SORCS3: variants seen among roughly 807,000 people sequenced by gnomAD.
SORCS3 encodes sortilin related VPS10 domain containing receptor 3, also known as VPS10 domain-containing receptor SorCS3.
In SORCS3, 57 loss-of-function variants were observed where a neutral mutation model predicts 146.3. The ratio of observed to expected loss-of-function variants is 0.39; its 90% CI spans 0.31 to 0.49. SORCS3 has a LOEUF of 0.49. Ranked by LOEUF, SORCS3 falls within the 20% of genes least tolerant of loss-of-function variation. SORCS3 has a pLI of 0.92. For synonymous variants in SORCS3, 653 were observed against 618.5 expected, an observed-to-expected ratio of 1.06 and a Z score of -0.83; for missense variants, 1,341 against 1,575.5, an observed-to-expected ratio of 0.85 and a Z score of 2.52.
intron 5 of SORCS3, among the ~76,000 whole-genome samples, chr10:105,062,389 C>T (rs2055493924): frequency 6.6e-6 from 1 of 152,128 alleles, no homozygotes; most frequent in Non-Finnish European, 1.5e-5. Context: ...AGCAATCTGT[C>T]TCCTAGGGTT....
chr10:105,050,985 C>T (rs1347784777), intron 5 of SORCS3, among the ~76,000 whole-genome samples: 1 of 152,024 alleles, frequency 6.6e-6, no homozygotes, highest in African/African-American at 2.4e-5. Context: ...ACACCTATGC[C>T]CAGACTCTAT....
At chr10:105,015,873 G>A (rs1418558896) in intron 4 of SORCS3, among the ~76,000 whole-genome samples, 1 of 151,236 alleles carries the variant, frequency 6.6e-6, no homozygotes, top group South Asian at 2.1e-4. Flanking sequence ...GGGATTACAG[G>A]CGCACACCAC....
intron 4 of SORCS3, among the ~76,000 whole-genome samples, chr10:105,031,593 G>A (rs2055268165): frequency 1.3e-5 from 2 of 152,114 alleles, no homozygotes; most frequent in South Asian, 4.1e-4. Flanking sequence ...ATTACTCCCT[G>A]GAGAACTTGC....
At chr10:105,102,086 A>G (rs773574541) in intron 6 of SORCS3, among the ~76,000 whole-genome samples, 1 of 152,186 alleles carries the variant, frequency 6.6e-6, no homozygotes, top group African/African-American at 2.4e-5. Flanking sequence ...GAAGGGGCAT[A>G]CAGGCTGTCC....
intron 20 of SORCS3, among the ~76,000 whole-genome samples, chr10:105,227,988 TGTG>T (rs2056743916): frequency 3.4e-5 from 1 of 29,698 alleles, no homozygotes; most frequent in Non-Finnish European, 7.6e-5. Context: ...GGTCATTTTG[TGTG>T]TGTGTGTGTG....
chr10:104,948,853 A>G (rs995976428), intron 3 of SORCS3, among the ~76,000 whole-genome samples: 2 of 152,134 alleles, frequency 1.3e-5, no homozygotes, highest in Non-Finnish European at 2.9e-5. Context: ...ATTATAGGTC[A>G]CTGTTCTCCC....
intron 3 of SORCS3, among the ~76,000 whole-genome samples, chr10:104,936,672 C>G (rs566541475): frequency 1.3e-5 from 2 of 152,314 alleles, no homozygotes; most frequent in East Asian, 1.9e-4. Context: ...ACAGATAAGT[C>G]TCCTTGGCAA....
At chr10:104,967,707 C>T (rs903483714) in intron 3 of SORCS3, among the ~76,000 whole-genome samples, 4 of 152,100 alleles carry the variant, frequency 2.6e-5, no homozygotes, top group Non-Finnish European at 4.4e-5. Context: ...TGGGGTCTGG[C>T]TCTGTTGCCC....
intron 3 of SORCS3, among the ~76,000 whole-genome samples, chr10:104,967,899 A>G (rs923507911): frequency 2.6e-5 from 4 of 151,840 alleles, no homozygotes; most frequent in Non-Finnish European, 4.4e-5. Context: ...AGCTCAAACA[A>G]TCTGCCCACC....
intron 4 of SORCS3, among the ~76,000 whole-genome samples, chr10:105,036,568 A>G (rs2055307892): frequency 6.6e-6 from 1 of 152,102 alleles, no homozygotes; most frequent in African/African-American, 2.4e-5. Context: ...CTGGAGATGG[A>G]AGCTCTTGTC....
At chr10:104,868,549 C>A (rs2018484764) in intron 2 of SORCS3, among the ~76,000 whole-genome samples, 1 of 152,226 alleles carries the variant, frequency 6.6e-6, no homozygotes, top group South Asian at 2.1e-4. Context: ...CCAGGCCAGA[C>A]TTTGTCCAAC....
chr10:105,125,709 A>ACACAC (rs1554879547), intron 7 of SORCS3, among the ~76,000 whole-genome samples: 1 of 151,726 alleles, frequency 6.6e-6, no homozygotes, highest in South Asian at 2.1e-4. Flanking sequence ...ACACACACAC[A>ACACAC]AAACAGGCAG....
intron 1 of SORCS3, among the ~76,000 whole-genome samples, chr10:104,686,729 T>C (rs2016048152): frequency 6.6e-6 from 1 of 152,122 alleles, no homozygotes; most frequent in Admixed American, 6.5e-5. Context: ...CTGCACATGA[T>C]GGAAAAGATC....
At chr10:105,195,620 A>G (rs2056539464) in intron 14 of SORCS3, among the ~76,000 whole-genome samples, 1 of 152,206 alleles carries the variant, frequency 6.6e-6, no homozygotes, top group South Asian at 2.1e-4. Context: ...TTAATGTGAT[A>G]TTGAACAGAA....
intron 5 of SORCS3, among the ~76,000 whole-genome samples, chr10:105,057,737 C>T (rs1372913272): frequency 2.0e-5 from 3 of 152,194 alleles, no homozygotes; most frequent in Non-Finnish European, 4.4e-5. Context: ...AAAATAGATT[C>T]TTCAAGCAAT....
chr10:104,953,837 T>C (rs907761562), intron 3 of SORCS3, among the ~76,000 whole-genome samples: 2 of 152,236 alleles, frequency 1.3e-5, no homozygotes, highest in African/African-American at 2.4e-5. Flanking sequence ...AGAGACATCA[T>C]AGTCTGATGC....
intron 4 of SORCS3, among the ~76,000 whole-genome samples, chr10:105,018,683 C>T (rs544335722): frequency 4.2e-4 from 64 of 152,272 alleles, no homozygotes; most frequent in Non-Finnish European, 7.8e-4. Flanking sequence ...TCTACAGGCT[C>T]AACAAAATTG....
intron 18 of SORCS3, among the ~76,000 whole-genome samples, chr10:105,215,733 G>A (rs996368731): frequency 3.3e-5 from 5 of 152,194 alleles, no homozygotes; most frequent in African/African-American, 9.6e-5. Flanking sequence ...TGGGGGGCAA[G>A]AGAGTACCTA....
intron 3 of SORCS3, among the ~76,000 whole-genome samples, chr10:104,964,892 A>G (rs573209088): frequency 6.6e-6 from 1 of 152,286 alleles, no homozygotes; most frequent in African/African-American, 2.4e-5. Context: ...GCCTAGCCTT[A>G]GTATCTACCA....
Sources: gnomAD v4.1 joint callset for allele counts (sites outside exome capture counted in the v4.1 genomes callset) on GRCh38, gnomAD v4.1.1 for gene constraint, MANE v1.5 for transcripts, NCBI Gene and HGNC (gene_info 2026-07-23, HGNC 2026-07-21) for gene names.